Variants in PTCD2 observed in about 807,000 individuals in gnomAD.
The protein encoded by PTCD2 is pentatricopeptide repeat-containing protein 2, mitochondrial.
PTCD2 carries 31 observed loss-of-function variants against 42.6 expected under a neutral mutation model. That is an observed-to-expected ratio of 0.73 (90% CI 0.55 to 0.98). PTCD2 has a LOEUF of 0.98. Among genes scored for constraint, PTCD2 ranks in the 50% least tolerant of loss-of-function variants. PTCD2 has a pLI of 0.00. For synonymous variants in PTCD2, 183 were observed against 170.9 expected, an observed-to-expected ratio of 1.07 and a Z score of -0.55; for missense variants, 476 against 454.8, an observed-to-expected ratio of 1.05 and a Z score of -0.42.
At chr5:72,342,932 T>C (rs1486231742) in intron 7 of PTCD2, 30 bp from the exon 8 acceptor site, 2 of 1,394,556 alleles carry the variant, frequency 1.4e-6, no homozygotes, top group South Asian at 1.2e-5. Context: ...TCCTATGATA[T>C]GGAATATGAT....
At chr5:72,328,459 A>G (rs754008290) in intron 3 of PTCD2, among the ~76,000 whole-genome samples, 1 of 152,196 alleles carries the variant, frequency 6.6e-6, no homozygotes, top group Non-Finnish European at 1.5e-5. Context: ...TCTCTTGGTT[A>G]AGGCAAGTTG....
intron 8 of PTCD2, among the ~76,000 whole-genome samples, chr5:72,348,039 G>A (rs772426353): frequency 5.9e-5 from 9 of 152,316 alleles, no homozygotes; most frequent in Middle Eastern, 3.4e-3. Flanking sequence ...TAGTTTCAGT[G>A]TTTAAAAATT....
At chr5:72,342,360 A>G (rs1752111897) in intron 7 of PTCD2, among the ~76,000 whole-genome samples, 2 of 152,182 alleles carry the variant, frequency 1.3e-5, no homozygotes, top group South Asian at 2.1e-4. Flanking sequence ...TGTCTTGCCT[A>G]TGGAAACGCT....
At chr5:72,357,713 C>T (rs973543972) in intron 9 of PTCD2, among the ~76,000 whole-genome samples, 2 of 152,040 alleles carry the variant, frequency 1.3e-5, no homozygotes, top group South Asian at 2.1e-4. Context: ...TTTGAACCCC[C>T]CTTTTTTTAT....
intron 6 of PTCD2, among the ~76,000 whole-genome samples, chr5:72,336,650 G>A (rs947829000): frequency 3.3e-5 from 5 of 149,984 alleles, no homozygotes; most frequent in Admixed American, 2.0e-4. Context: ...GGCAGAGGTT[G>A]CAGTGAGCCA....
chr5:72,339,541 A>G (rs1246294413), intron 7 of PTCD2, among the ~76,000 whole-genome samples: 3 of 152,136 alleles, frequency 2.0e-5, no homozygotes, highest in African/African-American at 7.2e-5. Context: ...CCAAGAGGTT[A>G]TACACTTCCC....
At chr5:72,347,604 T>G (rs2112207837) in intron 8 of PTCD2, among the ~76,000 whole-genome samples, 1 of 152,300 alleles carries the variant, frequency 6.6e-6, no homozygotes, top group East Asian at 1.9e-4. Context: ...GGAGGATTGC[T>G]TGAACCTGGG....
chr5:72,331,176 TG>T (rs1170256661), intron 3 of PTCD2, 81 bp from the exon 4 acceptor site: 3 of 880,498 alleles, frequency 3.4e-6, no homozygotes, highest in Non-Finnish European at 5.8e-6. Flanking sequence ...TCCCAGTACC[TG>T]GCACAGTACC....
chr5:72,345,554 T>A lies in PTCD2; in HGVS notation c.828+2518T>A, dbSNP rs552373510. 1.1e-3 allele frequency among the ~76,000 whole-genome samples: 172 copies of A among 152,272 alleles called. 1 individual carries two copies. The highest frequency in any genetic ancestry group is 4.1e-3 in the African/African-American group (172 of 41,554). On this transcript the variant is annotated intron_variant, in intron 8 of 9. Transcript: ENST00000380639. ...TAAGTGTCCATGAAATCTTAACAATTTATGTTCAGAGTAAAGACAGTAAAG... is the reference window on the plus strand; with the variant it reads ...TAAGTGTCCATGAAATCTTAACAATATATGTTCAGAGTAAAGACAGTAAAG...
In PTCD2 at chr5:72,320,448, G is replaced by T; in HGVS notation, c.66G>T (p.Gln22His). The change falls in exon 1 of 10, where the codon CAG (glutamine) becomes CAT (histidine). Residue 22 changes from glutamine (Q) to histidine (H), a missense_variant. Physicochemically the swap from Gln to His is conservative, Grantham distance 24. Transcript: ENST00000380639. ...ATCGAGTTCTCCTGCAGGCGCTGCAGATTTTGGTGTATCCTGGGGTGGGAG... is the reference window on the plus strand; with the variant it reads ...ATCGAGTTCTCCTGCAGGCGCTGCATATTTTGGTGTATCCTGGGGTGGGAG... ...PSNRVLLQAL[Q>H]ILVYPGVGGS... 6.2e-7 allele frequency: 1 copy of T among 1,614,188 alleles called. No homozygotes were observed. The highest frequency in any genetic ancestry group is 2.2e-5 in the East Asian group (1 of 44,866).
intron 7 of PTCD2, among the ~76,000 whole-genome samples, chr5:72,341,114 G>A (rs990079237): frequency 2.0e-4 from 31 of 151,886 alleles, no homozygotes; most frequent in African/African-American, 7.3e-4. Flanking sequence ...ACAGGCATGC[G>A]CCCAGCCAAA....
In PTCD2 at chr5:72,358,596, T is replaced by C. The variant is rs755094333; in HGVS notation, c.*169T>C. On this transcript the variant is annotated 3_prime_UTR_variant, in exon 10 of 10. Transcript: ENST00000380639. ...CCATGCCGATCTCTGAGAAGTTATG[T>C]TGCACCACTGTGAAGGTCTAGATGC... The C allele has an allele frequency of 1.6e-6, 1 of 614,826 alleles. No homozygotes were observed. The highest frequency in any genetic ancestry group is 2.7e-5 in the Admixed American group (1 of 36,672). The allele number at this position is 614,826 out of a possible 1,614,324, so 38.1% of individuals were successfully genotyped here.
intron 8 of PTCD2, among the ~76,000 whole-genome samples, chr5:72,348,299 CAGAT>C (rs1413795618): frequency 3.3e-5 from 5 of 152,148 alleles, no homozygotes; most frequent in East Asian, 3.8e-4. Flanking sequence ...TGGAAACTGA[CAGAT>C]AGGCTGAGTA....
intron 4 of PTCD2, among the ~76,000 whole-genome samples, chr5:72,333,791 A>G (rs998172829): frequency 2.0e-5 from 3 of 152,242 alleles, no homozygotes; most frequent in African/African-American, 7.2e-5. Flanking sequence ...GAAGTAATGC[A>G]TATGTTAATT....
At chr5:72,357,234 C>T (rs1752920145) in intron 9 of PTCD2, among the ~76,000 whole-genome samples, 1 of 152,170 alleles carries the variant, frequency 6.6e-6, no homozygotes, top group African/African-American at 2.4e-5. Flanking sequence ...TCCCTGTCTT[C>T]TCTATCAGGA....
chr5:72,343,958 G>T (rs1260585529), intron 8 of PTCD2, among the ~76,000 whole-genome samples: 1 of 152,162 alleles, frequency 6.6e-6, no homozygotes, highest in Non-Finnish European at 1.5e-5. Context: ...GGGTTGAGAT[G>T]AAGAAAACAT....
In PTCD2 at chr5:72,326,603, T is replaced by G; in HGVS notation, c.221-9T>G. On this transcript the variant is annotated splice_polypyrimidine_tract_variant and intron_variant, in intron 2 of 9. Transcript: ENST00000380639. ...TGAGTGATGGTCACCATACTGTGCT[T>G]TCTTCCAGAAACGTATTTTAGAAAC... 1 of 1,614,118 alleles carries G rather than the reference T, an allele frequency of 6.2e-7. No individual in the cohort carries two copies. The highest frequency in any genetic ancestry group is 8.5e-7 in the Non-Finnish European group (1 of 1,180,000).
intron 1 of PTCD2, chr5:72,321,436 A>G (rs1750839733): frequency 6.6e-6 from 1 of 152,236 alleles, no homozygotes; most frequent in African/African-American, 2.4e-5. Flanking sequence ...AACACACCCA[A>G]CAATAGAAAC....
chr5:72,338,712 G>T lies in PTCD2; in HGVS notation c.730G>T (p.Ala244Ser). 6.2e-7 allele frequency: 1 copy of T among 1,609,280 alleles called. No individual in the cohort carries two copies. The highest frequency in any genetic ancestry group is 8.5e-7 in the Non-Finnish European group (1 of 1,175,762). Residue 244 changes from alanine (A) to serine (S), a missense_variant, in exon 7 of 10, where the codon GCT (alanine) becomes TCT (serine). Coordinates refer to ENST00000380639, the MANE Select transcript of PTCD2 (RefSeq NM_024754.5). The part of the protein sequence containing the change: ...EILSRRASCF[A>S]VALALNQNEM... ...TCTCTCCAGGAGAGCATCCTGTTTC[G>T]CTGTGGCATTAGCTCTGAATCAGGT...
Sources: gnomAD v4.1 joint callset for allele counts (sites outside exome capture counted in the v4.1 genomes callset) on GRCh38, gnomAD v4.1.1 for gene constraint, MANE v1.5 for transcripts, NCBI Gene and HGNC (gene_info 2026-07-23, HGNC 2026-07-21) for gene names.